Variants in LSM5 observed in about 807,000 individuals in gnomAD.
LSM5 encodes U6 snRNA-associated Sm-like protein LSm5.
Under a neutral mutation model 13.8 loss-of-function variants are expected in LSM5, and 8 were observed. The ratio of observed to expected loss-of-function variants is 0.58; its 90% CI spans 0.34 to 1.04. The LOEUF is 1.04. LSM5 is among the 50% of genes least tolerant of loss of function. The pLI is 0.03. For synonymous variants in LSM5, 35 were observed against 37.0 expected, an observed-to-expected ratio of 0.95 and a Z score of 0.20; for missense variants, 80 against 108.1, an observed-to-expected ratio of 0.74 and a Z score of 1.15.
intron 3 of LSM5, 94 bp from the exon 4 acceptor site, chr7:32,487,851 T>C (rs1476904349): frequency 1.2e-5 from 8 of 692,014 alleles, no homozygotes; most frequent in African/African-American, 1.1e-4. Context: ...GTTATCCTTG[T>C]ATACAAATTA....
chr7:32,487,193 G>GAA lies in LSM5; in HGVS notation c.*66_*67dup. The stretch of plus-strand genomic sequence containing the variant: ...ATGGGATTTAAACATTAGAAAGTGG[G>GAA]AAAAAAAATTCCATTTTCTTGTCAT... On this transcript the variant is annotated 3_prime_UTR_variant, in exon 5 of 5. Transcript: ENST00000450169. 7.1e-7 allele frequency: 1 copy of GAA among 1,412,724 alleles called. No individual in the cohort carries two copies. The highest frequency in any genetic ancestry group is 1.7e-5 in the Admixed American group (1 of 58,486). 87.5% of individuals were successfully genotyped at this position (1,412,724 alleles called of 1,614,324 possible).
intron 4 of LSM5, 57 bp from the exon 5 acceptor site, chr7:32,487,350 C>T (rs1786472679): frequency 6.7e-7 from 1 of 1,491,246 alleles, no homozygotes; most frequent in Non-Finnish European, 9.3e-7. Flanking sequence ...CATCTAAAAA[C>T]CCCTTGCTCT....
intron 4 of LSM5, 192 bp from the exon 5 acceptor site, chr7:32,487,485 CCAAG>C: frequency 1.5e-6 from 1 of 662,414 alleles, no homozygotes; most frequent in Non-Finnish European, 2.7e-6. Flanking sequence ...ATTAAAAGTT[CCAAG>C]CAAACTAACC....
At chr7:32,489,937 G>A in intron 1 of LSM5, 2 of 837,076 alleles carry the variant, frequency 2.4e-6, no homozygotes, top group Non-Finnish European at 3.3e-6. Flanking sequence ...CCGGACCAGG[G>A]TGTTAGTGTC....
intron 1 of LSM5, among the ~76,000 whole-genome samples, chr7:32,489,835 C>T (rs1340400992): frequency 6.6e-6 from 1 of 152,146 alleles, no homozygotes; most frequent in African/African-American, 2.4e-5. Context: ...TGCCCAGGCA[C>T]GGTATCTAGT....
upstream of LSM5, among the ~76,000 whole-genome samples, chr7:32,493,945 G>A (rs576330001): frequency 2.6e-5 from 4 of 151,720 alleles, no homozygotes; most frequent in Non-Finnish European, 4.4e-5. Context: ...TCCACCTCCC[G>A]GATTCAAGCA....
upstream of LSM5, among the ~76,000 whole-genome samples, chr7:32,493,034 G>C (rs1786626949): frequency 6.6e-6 from 1 of 152,170 alleles, no homozygotes; most frequent in Non-Finnish European, 1.5e-5. Context: ...TGTGCATGGT[G>C]GCAGGCAACT....
chr7:32,488,572 A>T (rs1786499030), intron 3 of LSM5, 53 bp downstream of exon 3: 1 of 1,259,332 alleles, frequency 7.9e-7, no homozygotes, highest in Non-Finnish European at 1.2e-6. Context: ...CAAAAGTAGT[A>T]AAACTGTCTT....
At chr7:32,487,820 A>G in intron 3 of LSM5, 63 bp from the exon 4 acceptor site, 2 of 836,298 alleles carry the variant, frequency 2.4e-6, no homozygotes, top group Middle Eastern at 2.5e-4. Context: ...CATTTTGGAA[A>G]TACTTACCCT....
At chr7:32,489,533 C>A in intron 1 of LSM5, 189 bp from the exon 2 acceptor site, 1 of 525,368 alleles carries the variant, frequency 1.9e-6, no homozygotes, top group Non-Finnish European at 3.3e-6. Flanking sequence ...CCAAAAGAGT[C>A]TGTGGCATGA....
chr7:32,490,459 T>C, upstream of LSM5: 1 of 1,050,130 alleles, frequency 9.5e-7, no homozygotes, highest in Non-Finnish European at 1.5e-6. Flanking sequence ...GCTCGACCAA[T>C]CTGAGGCCGA....
chr7:32,492,202 CATT>C (rs10571723), upstream of LSM5, among the ~76,000 whole-genome samples: 2,494 of 152,164 alleles, frequency 0.016, 62 homozygotes, highest in African/African-American at 0.056. Flanking sequence ...GAATTCAAAA[CATT>C]GTTGTTATTT....
chr7:32,487,551 G>A (rs887583208), intron 4 of LSM5, 134 bp downstream of exon 4: 1 of 696,126 alleles, frequency 1.4e-6, no homozygotes, highest in African/African-American at 1.8e-5. Flanking sequence ...TGACCACAGA[G>A]AACCCCTTTC....
At chr7:32,489,092 T>G in intron 2 of LSM5, 157 bp downstream of exon 2, 1 of 568,906 alleles carries the variant, frequency 1.8e-6, no homozygotes, top group Non-Finnish European at 3.1e-6. Flanking sequence ...GATAGGAACT[T>G]TACCGTCTTT....
intron 4 of LSM5, 54 bp downstream of exon 4, chr7:32,487,631 C>T (rs1033955638): frequency 1.1e-6 from 1 of 945,774 alleles, no homozygotes; most frequent in Non-Finnish European, 1.7e-6. Flanking sequence ...TCTGTAATCA[C>T]TGCTCCCCAA....
At chr7:32,487,578 T>C in intron 4 of LSM5, 107 bp downstream of exon 4, 1 of 738,996 alleles carries the variant, frequency 1.4e-6, no homozygotes, top group Non-Finnish European at 2.4e-6. Flanking sequence ...TATGCACCAC[T>C]GGGCCATGAT....
chr7:32,492,091 T>TC (rs1165648025), upstream of LSM5, among the ~76,000 whole-genome samples: 1 of 152,230 alleles, frequency 6.6e-6, no homozygotes, highest in Non-Finnish European at 1.5e-5. Flanking sequence ...TCTCTTTTTT[T>TC]CTTTTTGTCC....
At position 32,490,267 on chromosome 7, in the gene LSM5, C is replaced by A. The variant is rs748916390; in HGVS notation, c.46+53G>T. On this transcript the variant is annotated intron_variant, in intron 1 of 4. Coordinates refer to ENST00000450169, the MANE Select transcript of LSM5 (RefSeq NM_012322.3). ...CCTGCCTCGGAACAGCCCCTCGGCC[C>A]CCAATCCTGAATGTCAGCTCCCTGT... 7.4e-6 allele frequency: 12 copies of A among 1,614,118 alleles called. No individual in the cohort carries two copies. The South Asian group carries it at 1.3e-4, about 18-fold the overall frequency.
Position 32,487,713 on chromosome 7 carries a change from A to G in LSM5, c.215T>C (p.Ile72Thr). 2 of 1,523,296 alleles carry G rather than the reference A, an allele frequency of 1.3e-6. No individual in the cohort carries two copies. The highest frequency in any genetic ancestry group is 1.8e-6 in the Non-Finnish European group (2 of 1,098,236). 94.4% of individuals were successfully genotyped at this position (1,523,296 alleles called of 1,614,324 possible). Residue 72 changes from isoleucine to threonine, a missense_variant, in exon 4 of 5, where the codon ATT becomes ACT. Physicochemically the swap from Ile to Thr is moderately conservative, Grantham distance 89 (BLOSUM62 -1). Coordinates refer to ENST00000450169, the MANE Select transcript of LSM5 (RefSeq NM_012322.3). ...EGRRITKLDQ[I>T]LLNGNNITML... ...TGTTATATTATTTCCATTTAGCAAA[A>G]TCTGATCTAATTTAGTAATCCTTCT... is the stretch of plus-strand genomic sequence containing the variant.
Sources: gnomAD v4.1 joint callset for allele counts (sites outside exome capture counted in the v4.1 genomes callset) on GRCh38, gnomAD v4.1.1 for gene constraint, MANE v1.5 for transcripts, NCBI Gene and HGNC (gene_info 2026-07-23, HGNC 2026-07-21) for gene names.